The following ZGPAT variants were observed in gnomAD, a reference collection of about 807,000 sequenced individuals.
ZGPAT encodes zinc finger CCCH-type and G-patch domain containing, also known as zinc finger CCCH-type with G patch domain-containing protein.
A neutral mutation model predicts 47.9 loss-of-function variants in ZGPAT; 39 were observed. That is an observed-to-expected ratio of 0.81 (90% CI 0.63 to 1.06). The LOEUF is 1.06. Among genes scored for constraint, ZGPAT ranks in the 50% least tolerant of loss-of-function variants. The probability of loss-of-function intolerance (pLI) is 0.00; values close to 1 mark genes in which losing one functional copy is unlikely to be tolerated. For missense variants in ZGPAT, 717 were observed against 681.4 expected, an observed-to-expected ratio of 1.05 and a Z score of -0.58; for synonymous variants, 348 against 292.9, an observed-to-expected ratio of 1.19 and a Z score of -1.92.
intron 2 of ZGPAT, among the ~76,000 whole-genome samples, chr20:63,728,908 A>G (rs1282130153): frequency 2.6e-5 from 4 of 152,230 alleles, no homozygotes; most frequent in Non-Finnish European, 5.9e-5. Flanking sequence ...CCAAGGCCCA[A>G]CATTTTTCAA....
intron 3 of ZGPAT, 68 bp downstream of exon 3, chr20:63,733,420 C>G: frequency 6.3e-7 from 1 of 1,598,366 alleles, no homozygotes; most frequent in Non-Finnish European, 8.5e-7. Flanking sequence ...CACTGTGTGG[C>G]TGCTCCCTGC....
intron 2 of ZGPAT, among the ~76,000 whole-genome samples, chr20:63,717,017 C>T (rs1568788581): frequency 6.6e-6 from 1 of 151,736 alleles, no homozygotes; most frequent in African/African-American, 2.4e-5. Context: ...GGGTTTCTCC[C>T]TGTCGGCCAG....
At position 63,735,397 on chromosome 20, in the gene ZGPAT, A is replaced by G. The variant is rs368158045; in HGVS notation, c.1230A>G (p.Leu410=). 110 of 1,559,276 alleles carry G rather than the reference A, an allele frequency of 7.1e-5. No individual in the cohort carries two copies. The highest frequency in any genetic ancestry group is 8.7e-5 in the Non-Finnish European group (100 of 1,156,070). ...TGCAAGGTCAGGCTCCTGGGGCCCT[A>G]GAAGCCGGGGCGGCCCCAGCGGGGA... The part of the protein sequence containing the change: ...EKLQGQAPGA[L]EAGAAPAGRR... The change falls in exon 6 of 7, where the codon CTA becomes CTG. Residue 410 remains leucine (L), a synonymous_variant. Transcript: ENST00000355969.
chr20:63,732,863 T>C (rs925135681), intron 2 of ZGPAT, among the ~76,000 whole-genome samples: 7 of 152,008 alleles, frequency 4.6e-5, no homozygotes, highest in Admixed American at 1.3e-4. Context: ...TACATGTGTA[T>C]ATGCGCGTGT....
At chr20:63,733,461 T>A in intron 3 of ZGPAT, 109 bp downstream of exon 3, 1 of 1,596,514 alleles carries the variant, frequency 6.3e-7, no homozygotes, top group East Asian at 2.2e-5. Context: ...GGACTCTGGC[T>A]CTGGGCCCGA....
In ZGPAT at chr20:63,721,355, T is replaced by TA. The variant is rs201321716; in HGVS notation, c.585-11847dup. Among the ~76,000 whole-genome samples, 646 of 112,208 alleles carry TA rather than the reference T, an allele frequency of 5.8e-3. 6 individuals are homozygous for TA. Among genetic ancestry groups the TA allele is most frequent in the African/African-American group, 0.016 (460 of 28,674 alleles). 73.6% of individuals were successfully genotyped at this position (112,208 alleles called of 152,430 possible). A position where few individuals can be genotyped will look rare whatever the true frequency, so the allele number is the denominator to read the frequency against. The stretch of plus-strand genomic sequence containing the variant: ...CAACAGAGCGAGACTCTGTCTCAAA[T>TA]AAAAAAAAAAAAAAAAAGGATAAAG... On this transcript the variant is annotated intron_variant, in intron 2 of 6. Transcript: ENST00000355969.
intron 2 of ZGPAT, among the ~76,000 whole-genome samples, chr20:63,726,105 C>T (rs1427634148): frequency 2.0e-5 from 3 of 151,868 alleles, no homozygotes; most frequent in Non-Finnish European, 4.4e-5. Context: ...TCCCAAAGTA[C>T]TAGGATTACA....
At chr20:63,723,282 TAGCTCCATCCTCCCTTCTCCTATGACAC>T (rs138573561) in intron 2 of ZGPAT, among the ~76,000 whole-genome samples, 1 of 116,962 alleles carries the variant, frequency 8.5e-6, no homozygotes, top group Non-Finnish European at 1.8e-5. Flanking sequence ...TCCTCTGGCA[TAGCTCCATCCTCCCTTCTCCTATGACAC>T]AGCTCCATCC....
At chr20:63,733,811 G>T (rs990598737) in intron 4 of ZGPAT, 72 bp downstream of exon 4, 2 of 1,540,444 alleles carry the variant, frequency 1.3e-6, no homozygotes, top group East Asian at 4.5e-5. Flanking sequence ...GCCGGTGAGG[G>T]CACCAACCAT....
At chr20:63,722,274 C>T (rs2091796674) in intron 2 of ZGPAT, among the ~76,000 whole-genome samples, 1 of 152,200 alleles carries the variant, frequency 6.6e-6, no homozygotes, top group Admixed American at 6.5e-5. Context: ...CCCAGCTGTC[C>T]TCCTGAAATT....
At chr20:63,716,016 A>G (rs1455230436) in intron 2 of ZGPAT, among the ~76,000 whole-genome samples, 2 of 152,136 alleles carry the variant, frequency 1.3e-5, no homozygotes, top group African/African-American at 2.4e-5. Flanking sequence ...TATTTGTTAT[A>G]GGTCTATTCA....
chr20:63,731,964 A>G (rs569716768), intron 2 of ZGPAT, among the ~76,000 whole-genome samples: 2 of 152,334 alleles, frequency 1.3e-5, no homozygotes, highest in South Asian at 4.1e-4. Context: ...GTCATTATAT[A>G]TAAGGGACTT....
At chr20:63,728,002 G>A (rs1034617512) in intron 2 of ZGPAT, among the ~76,000 whole-genome samples, 48 of 150,986 alleles carry the variant, frequency 3.2e-4, no homozygotes, top group Middle Eastern at 3.4e-3. Flanking sequence ...ACCCACCCCT[G>A]CAGCCTCTGA....
intron 3 of ZGPAT, 42 bp downstream of exon 3, chr20:63,733,394 G>T: frequency 6.2e-7 from 1 of 1,603,042 alleles, no homozygotes. Context: ...ACCCTCCCAG[G>T]CCCCACGTGT....
chr20:63,735,678 G>C, intron 6 of ZGPAT, 103 bp from the exon 7 acceptor site: 1 of 1,526,118 alleles, frequency 6.6e-7, no homozygotes, highest in Non-Finnish European at 8.8e-7. Flanking sequence ...GGAGGGGTCT[G>C]CATGTTGGAG....
chr20:63,728,657 C>T (rs747402110), intron 2 of ZGPAT, among the ~76,000 whole-genome samples: 17 of 152,222 alleles, frequency 1.1e-4, no homozygotes, highest in Non-Finnish European at 1.6e-4. Flanking sequence ...GCCCAGTGCT[C>T]ACTCCAGCTG....
At chr20:63,727,938 T>G (rs1373016677) in intron 2 of ZGPAT, among the ~76,000 whole-genome samples, 1 of 152,170 alleles carries the variant, frequency 6.6e-6, no homozygotes, top group African/African-American at 2.4e-5. Context: ...TCCTGAGTCT[T>G]GTGTTCTGTT....
At position 63,735,364 on chromosome 20, in the gene ZGPAT, T is replaced by A. The variant is rs1420399960; in HGVS notation, c.1197T>A (p.Asn399Lys). The A allele has an allele frequency of 1.9e-6, 3 of 1,545,366 alleles. No individual in the cohort carries two copies. The highest frequency in any genetic ancestry group is 2.6e-6 in the Non-Finnish European group (3 of 1,149,678). ...CTCGGAATGTGTTTGACTTCCTCAA[T>A]GAAAAGCTGCAAGGTCAGGCTCCTG... ...PAPRNVFDFL[N>K]EKLQGQAPGA... Residue 399 changes from asparagine to lysine, a missense_variant, in exon 6 of 7, where the codon AAT becomes AAA. Coordinates refer to ENST00000355969, the MANE Select transcript of ZGPAT (RefSeq NM_181485.3).
intron 2 of ZGPAT, among the ~76,000 whole-genome samples, chr20:63,731,206 G>A (rs934808409): frequency 3.3e-5 from 5 of 152,184 alleles, no homozygotes; most frequent in Admixed American, 3.3e-4. Context: ...GACTCCAGCA[G>A]AGGCGATGGG....
Sources: gnomAD v4.1 joint callset for allele counts (sites outside exome capture counted in the v4.1 genomes callset) on GRCh38, gnomAD v4.1.1 for gene constraint, MANE v1.5 for transcripts, NCBI Gene and HGNC (gene_info 2026-07-23, HGNC 2026-07-21) for gene names.